The following YLPM1 variants were observed in gnomAD, a reference collection of about 807,000 sequenced individuals.
The protein encoded by YLPM1 is YLP motif-containing protein 1.
A neutral mutation model predicts 230.0 loss-of-function variants in YLPM1; 99 were observed. The observed-to-expected ratio is 0.43, with a 90% CI of 0.37 to 0.51. The LOEUF (loss-of-function observed/expected upper bound fraction) is 0.51. Among genes scored for constraint, YLPM1 ranks in the 20% least tolerant of loss-of-function variants. The pLI is 0.00. For synonymous variants in YLPM1, 984 were observed against 942.5 expected (o/e 1.04, Z -0.81); for missense variants, 2,592 against 2,707.7 (o/e 0.96, Z 0.95).
chr14:74,821,460 A>G (rs959593689), intron 17 of YLPM1: 1 of 182,900 alleles, frequency 5.5e-6, no homozygotes, highest in Non-Finnish European at 1.1e-5. Context: ...ATTCCAGCAG[A>G]TATGTGGCAC....
In YLPM1 at chr14:74,809,926, A is replaced by T; in HGVS notation, c.4956A>T (p.Lys1652Asn). 1 of 1,608,734 alleles carries T rather than the reference A, an allele frequency of 6.2e-7. No individual in the cohort carries two copies. The highest frequency in any genetic ancestry group is 8.5e-7 in the Non-Finnish European group (1 of 1,177,224). Reference sequence around the variant, plus strand: ...GTTTACCAGATATATCCACTAATAAAGTTGAACAGATACCTTATGGAGAAA... The same window carrying T: ...GTTTACCAGATATATCCACTAATAATGTTGAACAGATACCTTATGGAGAAA... ...YGHGRDISTN[K>N]VEQIPYGERI... The change falls in exon 8 of 21, where the codon AAA (lysine) becomes AAT (asparagine). Residue 1652 changes from lysine (K) to asparagine (N), a missense_variant. By Grantham distance (94) the Lys-to-Asn change is moderately conservative. Transcript: ENST00000325680.
At chr14:74,829,163 T>A (rs1387497938) in intron 18 of YLPM1, 50 bp from the exon 19 acceptor site, 4 of 1,606,790 alleles carry the variant, frequency 2.5e-6, no homozygotes, top group Non-Finnish European at 3.4e-6. Flanking sequence ...GTGTGTCGTG[T>A]GCAAACTCAC....
intron 5 of YLPM1, 90 bp from the exon 6 acceptor site, chr14:74,802,466 G>T: frequency 3.5e-6 from 5 of 1,437,368 alleles, no homozygotes; most frequent in Non-Finnish European, 4.6e-6. Context: ...GATTTTTTAG[G>T]TCTCCTTTTT....
intron 1 of YLPM1, among the ~76,000 whole-genome samples, chr14:74,775,857 G>C (rs1409838452): frequency 1.3e-5 from 2 of 152,056 alleles, no homozygotes; most frequent in African/African-American, 4.8e-5. Flanking sequence ...CTCTTTTATA[G>C]TTTTTACTGT....
chr14:74,819,770 A>G (rs2091506541), intron 16 of YLPM1, among the ~76,000 whole-genome samples: 2 of 151,998 alleles, frequency 1.3e-5, no homozygotes, highest in South Asian at 4.2e-4. Context: ...TAAAAAACAT[A>G]TTTTTCTCTT....
rs990724974 is a variant in YLPM1 at position 74,829,298 on chromosome 14, C to T, written c.6249C>T (p.Leu2083=). ...IASRMEDYLQ[L]PDDYDTRASE... is the part of the protein sequence containing the mutation. ...GCAGAATGGAGGATTATCTTCAGCT[C>T]CCCGATGATTATGATACTCGTGCTT... Residue 2083 remains leucine, a synonymous_variant, in exon 19 of 21, where the codon CTC becomes CTT. Coordinates refer to ENST00000325680, the MANE Select transcript of YLPM1 (RefSeq NM_019589.3). The T allele has an allele frequency of 6.2e-7, 1 of 1,613,212 alleles. No homozygotes were observed. The highest frequency in any genetic ancestry group is 8.5e-7 in the Non-Finnish European group (1 of 1,179,390).
chr14:74,834,670 A>G (rs193226136), intron 19 of YLPM1, among the ~76,000 whole-genome samples: 5 of 152,352 alleles, frequency 3.3e-5, no homozygotes, highest in East Asian at 1.9e-4. Context: ...TGACTAGTAC[A>G]TATATGCAGA....
At chr14:74,786,950 C>G (rs1046019912) in intron 4 of YLPM1, among the ~76,000 whole-genome samples, 8 of 152,120 alleles carry the variant, frequency 5.3e-5, no homozygotes, top group Admixed American at 3.3e-4. Flanking sequence ...TTTTTGCATC[C>G]TTATCAACAC....
In YLPM1 at chr14:74,802,690, T is replaced by C. The variant is rs2091340034; in HGVS notation, c.4521+14T>C. ...GGAATGTATCCGGTATGGGAGAATG[T>C]GTGCTCAGAAAATGAAATGGTTTCT... On this transcript the variant is annotated intron_variant, in intron 6 of 20. Transcript: ENST00000325680. The C allele has an allele frequency of 6.3e-7, 1 of 1,580,352 alleles. No homozygotes were observed. The highest frequency in any genetic ancestry group is 8.6e-7 in the Non-Finnish European group (1 of 1,165,990).
intron 9 of YLPM1, 129 bp from the exon 10 acceptor site, chr14:74,811,491 A>G (rs1045374747): frequency 1.4e-5 from 9 of 626,938 alleles, no homozygotes; most frequent in Non-Finnish European, 2.4e-5. Flanking sequence ...CTCAAAAAAA[A>G]AAAGTAAACA....
chr14:74,765,267 T>C (rs2140063696), intron 1 of YLPM1, among the ~76,000 whole-genome samples: 2 of 152,306 alleles, frequency 1.3e-5, no homozygotes, highest in East Asian at 3.9e-4. Context: ...GTAGACACTT[T>C]TTCAGCGATT....
intron 12 of YLPM1, 102 bp downstream of exon 12, chr14:74,816,367 C>A: frequency 7.4e-7 from 1 of 1,356,852 alleles, no homozygotes; most frequent in South Asian, 1.3e-5. Context: ...ATAGAATTGT[C>A]TTCCATTTGA....
At position 74,829,239 on chromosome 14, in the gene YLPM1, AC is replaced by A; in HGVS notation, c.6191del (p.Thr2064IlefsTer53). 6.2e-7 allele frequency: 1 copy of A among 1,613,224 alleles called. No individual in the cohort carries two copies. The highest frequency in any genetic ancestry group is 8.5e-7 in the Non-Finnish European group (1 of 1,179,372). ...LDKLDGLRTGTKRKRDWEAIA... is the reference protein window; with the variant it reads ...LDKLDGLRTGXKRKRDWEAIA... ...CAAGTTGGATGGCTTGAGGACTGGTACTAAAAGGAAACGTGACTGGGAGGCC... is the reference window on the plus strand; with the variant it reads ...CAAGTTGGATGGCTTGAGGACTGGTATAAAAGGAAACGTGACTGGGAGGCC... On this transcript the variant is annotated frameshift_variant, in exon 19 of 21. Transcript: ENST00000325680. LOFTEE classifies it high-confidence loss of function.
chr14:74,802,804 A>T (rs1389866689), intron 6 of YLPM1, 128 bp downstream of exon 6: 1 of 1,216,024 alleles, frequency 8.2e-7, no homozygotes, highest in Non-Finnish European at 1.1e-6. Flanking sequence ...TGGAAACTTA[A>T]AAGTTTATGG....
intron 1 of YLPM1, among the ~76,000 whole-genome samples, chr14:74,766,567 A>G (rs2090913291): frequency 6.6e-6 from 1 of 151,276 alleles, no homozygotes; most frequent in African/African-American, 2.4e-5. Context: ...GTTCACTGCA[A>G]CCTCTGCCTC....
chr14:74,778,455 G>A lies in YLPM1; in HGVS notation c.882G>A (p.Gln294=). The A allele has an allele frequency of 6.3e-7, 1 of 1,599,998 alleles. No individual in the cohort carries two copies. Residue 294 remains glutamine, a synonymous_variant, in exon 2 of 21, where the codon CAG becomes CAA. Coordinates refer to ENST00000325680, the MANE Select transcript of YLPM1 (RefSeq NM_019589.3). ...AATTGTTTCTGTTGTAGGAACAGCA[G>A]CAGTATTGGTATCGACAGCACTTGC... ...DPSTMTPQEQ[Q]QYWYRQHLLS... is the part of the protein sequence containing the mutation.
intron 4 of YLPM1, among the ~76,000 whole-genome samples, chr14:74,791,699 A>AT (rs1355447005): frequency 6.6e-6 from 1 of 152,168 alleles, no homozygotes; most frequent in African/African-American, 2.4e-5. Context: ...TTCTGTTCTA[A>AT]TTGTTGAGTT....
chr14:74,776,522 A>G (rs1265922388), intron 1 of YLPM1, among the ~76,000 whole-genome samples: 1 of 152,252 alleles, frequency 6.6e-6, no homozygotes, highest in African/African-American at 2.4e-5. Context: ...TCTCAGCTCT[A>G]TGCCTGGGGG....
rs752563303 is a variant in YLPM1, at chr14:74,810,410, C to T, written c.5218C>T (p.Arg1740Ter). 2.5e-6 allele frequency: 4 copies of T among 1,613,558 alleles called. No individual in the cohort carries two copies. Among genetic ancestry groups the T allele is most frequent in the East Asian group, 2.2e-5 (1 of 44,860 alleles). The change falls in exon 9 of 21, where the codon CGA becomes TGA. Residue 1740 changes from arginine to a stop codon, truncating the protein, a stop_gained. Coordinates refer to ENST00000325680, the MANE Select transcript of YLPM1 (RefSeq NM_019589.3). LOFTEE classifies it high-confidence loss of function. The stretch of plus-strand genomic sequence containing the variant: ...TCGATTTGACAGAGAACGCCGACCC[C>T]GAGATGATAGGTATGCTATAAAACA... The part of the protein sequence containing the change: ...RDRFDRERRP[R>*]DDRAQSYRDK...
Sources: gnomAD v4.1 joint callset for allele counts (sites outside exome capture counted in the v4.1 genomes callset) on GRCh38, gnomAD v4.1.1 for gene constraint, MANE v1.5 for transcripts, NCBI Gene and HGNC (gene_info 2026-07-23, HGNC 2026-07-21) for gene names.